Variants in ATP2B2 observed in about 807,000 individuals in gnomAD.
ATP2B2 encodes ATPase plasma membrane Ca2+ transporting 2.
ATP2B2 carries 15 observed loss-of-function variants against 120.0 expected under a neutral mutation model. The observed-to-expected ratio is 0.12, with a 90% confidence interval of 0.08 to 0.19. The LOEUF is 0.19. Ranked by LOEUF, ATP2B2 falls within the 10% of genes least tolerant of loss-of-function variation. ATP2B2 has a pLI of 1.00. For synonymous variants in ATP2B2, 694 were observed against 700.3 expected, an observed-to-expected ratio of 0.99 and a Z score of 0.14; for missense variants, 1,045 against 1,719.8, an observed-to-expected ratio of 0.61 and a Z score of 6.94.
Position 10,328,767 on chromosome 3 carries a change from G to A in ATP2B2, c.*47C>T. The A allele has an allele frequency of 6.5e-7, 1 of 1,550,356 alleles. No individual in the cohort carries two copies. The highest frequency in any genetic ancestry group is 8.8e-7 in the Non-Finnish European group (1 of 1,142,196). On this transcript the variant is annotated 3_prime_UTR_variant, in exon 23 of 23. Coordinates refer to ENST00000360273, the MANE Select transcript of ATP2B2 (RefSeq NM_001001331.4). ...ATGGATGGGTGCCCGGAAAGCGGGTGGCAGCGGGGTCCATGAGGGCGGGCG... is the reference window on the plus strand; with the variant it reads ...ATGGATGGGTGCCCGGAAAGCGGGTAGCAGCGGGGTCCATGAGGGCGGGCG...
chr3:10,610,325 G>A (rs1341136633), intron 2 of ATP2B2, among the ~76,000 whole-genome samples: 2 of 151,802 alleles, frequency 1.3e-5, no homozygotes, highest in Non-Finnish European at 2.9e-5. Context: ...CTCACTCACG[G>A]CTGGCCTCTA....
rs376313777 is a variant in ATP2B2, at chr3:10,443,058, G to A, written c.199+6287C>T. Among the ~76,000 whole-genome samples the A allele has an allele frequency of 4.1e-4, 62 of 152,314 alleles. No homozygotes were observed. The South Asian group carries it at 4.1e-3, about 10-fold the overall frequency. Reference sequence around the variant, plus strand: ...AGTCATAGACCCAGTCAGCCTGGACGGTCCCAGCTCATGCCTAGCACCCTG... The same window carrying A: ...AGTCATAGACCCAGTCAGCCTGGACAGTCCCAGCTCATGCCTAGCACCCTG... On this transcript the variant is annotated intron_variant, in intron 2 of 22. Coordinates refer to ENST00000360273, the MANE Select transcript of ATP2B2 (RefSeq NM_001001331.4).
chr3:10,443,235 C>A (rs2063727404), intron 2 of ATP2B2, among the ~76,000 whole-genome samples: 2 of 152,296 alleles, frequency 1.3e-5, no homozygotes, highest in South Asian at 4.2e-4. Context: ...AGCAGGGAAC[C>A]TTTCTGATCT....
At chr3:10,407,444 C>T (rs1338020192) in intron 3 of ATP2B2, among the ~76,000 whole-genome samples, 1 of 152,228 alleles carries the variant, frequency 6.6e-6, no homozygotes, top group Non-Finnish European at 1.5e-5. Flanking sequence ...CTCCCTCCTT[C>T]CTTCCTTCTG....
chr3:10,572,693 C>T (rs2068154551), intron 2 of ATP2B2, among the ~76,000 whole-genome samples: 1 of 152,180 alleles, frequency 6.6e-6, no homozygotes, highest in African/African-American at 2.4e-5. Flanking sequence ...CCCCACTGCT[C>T]ACTTCCTCCA....
At chr3:10,495,881 G>C (rs1371487275) in intron 1 of ATP2B2, among the ~76,000 whole-genome samples, 2 of 152,196 alleles carry the variant, frequency 1.3e-5, no homozygotes, top group African/African-American at 4.8e-5. Flanking sequence ...CCCAGGCAGG[G>C]CACCCGCAGT....
At chr3:10,499,293 C>T (rs1267091270) in intron 1 of ATP2B2, among the ~76,000 whole-genome samples, 2 of 152,162 alleles carry the variant, frequency 1.3e-5, no homozygotes, top group Non-Finnish European at 2.9e-5. Context: ...GGACCACACC[C>T]GGGCCAAGCC....
At chr3:10,587,300 G>A (rs914088223) in intron 2 of ATP2B2, among the ~76,000 whole-genome samples, 29 of 150,300 alleles carry the variant, frequency 1.9e-4, no homozygotes, top group African/African-American at 6.6e-4. Flanking sequence ...ATGAGACCCT[G>A]TCTCAATATA....
chr3:10,590,994 C>T (rs4234503), intron 2 of ATP2B2, among the ~76,000 whole-genome samples: 17,278 of 151,840 alleles, frequency 0.11, 1,311 homozygotes, highest in East Asian at 0.24. Context: ...TGCCCTGTCC[C>T]TGTAGGTATG....
At chr3:10,606,641 G>A (rs1255314099) in intron 2 of ATP2B2, among the ~76,000 whole-genome samples, 2 of 152,050 alleles carry the variant, frequency 1.3e-5, no homozygotes, top group Admixed American at 6.6e-5. Context: ...TGCATGCAGG[G>A]GAGTTTTGGA....
intron 5 of ATP2B2, among the ~76,000 whole-genome samples, chr3:10,394,973 C>T (rs1187748374): frequency 6.6e-6 from 1 of 152,136 alleles, no homozygotes; most frequent in Non-Finnish European, 1.5e-5. Flanking sequence ...ATGGGGGCTA[C>T]AGGAAGAGCC....
At chr3:10,389,933 G>C (rs2061795877) in intron 5 of ATP2B2, among the ~76,000 whole-genome samples, 1 of 152,218 alleles carries the variant, frequency 6.6e-6, no homozygotes, top group South Asian at 2.1e-4. Context: ...ATGCGGCACT[G>C]CTGGTCCTTT....
At chr3:10,477,540 C>A (rs2065251881) in intron 1 of ATP2B2, among the ~76,000 whole-genome samples, 2 of 152,244 alleles carry the variant, frequency 1.3e-5, no homozygotes, top group Non-Finnish European at 1.5e-5. Flanking sequence ...CCCCATCCAA[C>A]ACCAACTCCC....
intron 3 of ATP2B2, among the ~76,000 whole-genome samples, chr3:10,527,399 G>C (rs1290170599): frequency 3.3e-5 from 5 of 152,216 alleles, no homozygotes; most frequent in Non-Finnish European, 5.9e-5. Flanking sequence ...GGACACCTGG[G>C]TGTCAGGATT....
intron 18 of ATP2B2, among the ~76,000 whole-genome samples, chr3:10,345,125 C>T (rs1249082815): frequency 6.6e-6 from 1 of 152,198 alleles, no homozygotes; most frequent in African/African-American, 2.4e-5. Context: ...AGGCTGTGAG[C>T]CTGACAGCTC....
intron 1 of ATP2B2, among the ~76,000 whole-genome samples, chr3:10,471,303 T>C (rs2064982648): frequency 6.6e-6 from 1 of 152,118 alleles, no homozygotes; most frequent in Non-Finnish European, 1.5e-5. Context: ...CCCTCTTCCC[T>C]GTGTTCCAGG....
At chr3:10,547,139 A>G (rs984481811) in intron 2 of ATP2B2, among the ~76,000 whole-genome samples, 3 of 152,002 alleles carry the variant, frequency 2.0e-5, no homozygotes, top group African/African-American at 7.2e-5. Context: ...AGAGGAGAGC[A>G]GCTCGGGTCA....
At chr3:10,454,218 C>A (rs1349507580) in intron 1 of ATP2B2, among the ~76,000 whole-genome samples, 1 of 152,204 alleles carries the variant, frequency 6.6e-6, no homozygotes, top group Non-Finnish European at 1.5e-5. Flanking sequence ...AGTTTGCCAT[C>A]ATGGGGACCC....
At chr3:10,695,095 G>A (rs13068543) in intron 1 of ATP2B2, among the ~76,000 whole-genome samples, 6,790 of 152,102 alleles carry the variant, frequency 0.045, 183 homozygotes, top group South Asian at 0.13. Flanking sequence ...TCATGCTGCC[G>A]ATAAACATAT....
Sources: gnomAD v4.1 joint callset for allele counts (sites outside exome capture counted in the v4.1 genomes callset) on GRCh38, gnomAD v4.1.1 for gene constraint, MANE v1.5 for transcripts, NCBI Gene and HGNC (gene_info 2026-07-23, HGNC 2026-07-21) for gene names.